The following ZNF783 variants were observed in gnomAD, a reference collection of about 807,000 sequenced individuals.
ZNF783 encodes the protein zinc finger protein 783.
In ZNF783, 25 loss-of-function variants were observed where a neutral mutation model predicts 31.3. The ratio of observed to expected loss-of-function variants is 0.80; its 90% CI spans 0.58 to 1.11. The LOEUF is 1.11. ZNF783 is among the 50% of genes most tolerant of loss of function. The pLI is 0.00. For synonymous variants in ZNF783, 369 were observed against 319.1 expected (o/e 1.16, Z -1.66); for missense variants, 797 against 760.0 (o/e 1.05, Z -0.57).
rs1354086667 is a variant in ZNF783, at chr7:149,280,217, G to A, written c.803-1288G>A. On this transcript the variant is annotated intron_variant, in intron 5 of 5. Coordinates refer to ENST00000434415, the MANE Select transcript of ZNF783 (RefSeq NM_001195220.2). ...AGGAGCTCCTCACTTCCCAGTAGGG[G>A]TGGCCGGGCAGAGGCGCCCCTCACC... 2.0e-5 allele frequency among the ~76,000 whole-genome samples: 3 copies of A among 152,216 alleles called. No homozygotes were observed. In the East Asian group the frequency reaches 5.8e-4, roughly 30 times the overall value.
chr7:149,281,583 G>C lies in ZNF783; in HGVS notation c.881G>C (p.Arg294Pro), dbSNP rs752803376. The C allele has an allele frequency of 1.3e-6, 2 of 1,528,840 alleles. No individual in the cohort carries two copies. The highest frequency in any genetic ancestry group is 4.2e-5 in the Admixed American group (2 of 47,558). The allele number at this position is 1,528,840 out of a possible 1,614,324, so 94.7% of individuals were successfully genotyped here. A position where few individuals can be genotyped will look rare whatever the true frequency, so the allele number is the denominator to read the frequency against. The change falls in exon 6 of 6, where the codon CGA becomes CCA. Residue 294 changes from arginine (R) to proline (P), a missense_variant. By Grantham distance (103) the Arg-to-Pro change is moderately radical (BLOSUM62 -2). Transcript: ENST00000434415. The stretch of plus-strand genomic sequence containing the variant: ...GAGCGGCTCTTTCTGGGGGTGTCCC[G>C]AGGCCAGACCGAGTGTAGAATCCCC... ...TPERLFLGVSRGQTECRIPRG... is the reference protein window; with the variant it reads ...TPERLFLGVSPGQTECRIPRG...
Position 149,281,634 on chromosome 7 carries a change from G to GC in ZNF783, c.936dup (p.Ser313GlnfsTer102). 2 of 1,543,742 alleles carry GC rather than the reference G, an allele frequency of 1.3e-6. No homozygotes were observed. The highest frequency in any genetic ancestry group is 8.6e-7 in the Non-Finnish European group (1 of 1,157,332). ...CGAGGGCCCAGGAACAGGCCTGGGG[G>GC]CCCCAGCCGTCATCAGGCCCAGGGC... On this transcript the variant is annotated frameshift_variant, in exon 6 of 6. Coordinates refer to ENST00000434415, the MANE Select transcript of ZNF783 (RefSeq NM_001195220.2). LOFTEE classifies it low-confidence loss of function (END_TRUNC).
rs1436411747 is a variant in ZNF783, at chr7:149,281,797, G to A, written c.1095G>A (p.Thr365=). ...GQSFRLKINL[T]IHQRTHVEEG... ...GCTTCCGCCTGAAGATCAATCTGAC[G>A]ATTCATCAGCGGACCCATGTGGAGG... is the stretch of plus-strand genomic sequence containing the variant. Residue 365 remains threonine, a synonymous_variant, in exon 6 of 6, where the codon ACG becomes ACA. Coordinates refer to ENST00000434415, the MANE Select transcript of ZNF783 (RefSeq NM_001195220.2). The A allele has an allele frequency of 5.9e-6, 9 of 1,517,286 alleles. No homozygotes were observed. The highest frequency in any genetic ancestry group is 1.3e-5 in the South Asian group (1 of 78,270). 94.0% of individuals were successfully genotyped at this position (1,517,286 alleles called of 1,614,324 possible).
chr7:149,276,747 C>A, intron 4 of ZNF783: 2 of 463,748 alleles, frequency 4.3e-6, no homozygotes, highest in Non-Finnish European at 5.7e-6. Flanking sequence ...TCATGGCTCA[C>A]TGCAGCCTCA....
Position 149,282,609 on chromosome 7 carries a change from C to T in ZNF783, c.*266C>T, listed in dbSNP as rs1270034592. The T allele has an allele frequency of 2.3e-6, 1 of 425,906 alleles. No individual in the cohort carries two copies. The highest frequency in any genetic ancestry group is 3.9e-5 in the East Asian group (1 of 25,698). The allele number at this position is 425,906 out of a possible 1,614,324, so 26.4% of individuals were successfully genotyped here. A position where few individuals can be genotyped will look rare whatever the true frequency, so the allele number is the denominator to read the frequency against. ...TTTTGATAAGGCCTCTGGTAGGTAC[C>T]ACAGCCAAGAGGACCAGAGATCATG... On this transcript the variant is annotated 3_prime_UTR_variant, in exon 6 of 6. Coordinates refer to ENST00000434415, the MANE Select transcript of ZNF783 (RefSeq NM_001195220.2).
intron 1 of ZNF783, 150 bp from the exon 2 acceptor site, chr7:149,266,185 G>A: frequency 1.1e-6 from 1 of 890,530 alleles, no homozygotes; most frequent in Non-Finnish European, 1.6e-6. Flanking sequence ...TGATACCCTA[G>A]CCTCTCCCTC....
intron 4 of ZNF783, chr7:149,276,789 A>G (rs1320124515): frequency 9.6e-6 from 2 of 207,482 alleles, no homozygotes; most frequent in African/African-American, 2.4e-5. Flanking sequence ...CTCCTGCCTC[A>G]GCCTCCCAAC....
intron 4 of ZNF783, chr7:149,276,655 T>C: frequency 1.4e-6 from 1 of 731,398 alleles, no homozygotes; most frequent in Non-Finnish European, 1.7e-6. Flanking sequence ...GGGTTACTTT[T>C]TATTTATTTA....
chr7:149,274,107 TTGTC>T (rs1217928010), intron 4 of ZNF783, among the ~76,000 whole-genome samples: 2 of 152,178 alleles, frequency 1.3e-5, no homozygotes, highest in Admixed American at 1.3e-4. Flanking sequence ...TTTGCTTTGG[TTGTC>T]TGTGCTTTAG....
intron 1 of ZNF783, among the ~76,000 whole-genome samples, chr7:149,262,821 G>A (rs545216199): frequency 1.3e-5 from 2 of 152,370 alleles, no homozygotes; most frequent in African/African-American, 4.8e-5. Flanking sequence ...TTTGGAATTA[G>A]ACACTTTAAA....
At chr7:149,266,310 C>CT in intron 1 of ZNF783, 25 bp from the exon 2 acceptor site, 1 of 1,515,722 alleles carries the variant, frequency 6.6e-7, no homozygotes, top group Non-Finnish European at 8.8e-7. Flanking sequence ...CTCATAACAT[C>CT]TCTCTTTTCT....
chr7:149,264,354 G>A (rs1349158832), intron 1 of ZNF783, among the ~76,000 whole-genome samples: 1 of 152,220 alleles, frequency 6.6e-6, no homozygotes, highest in African/African-American at 2.4e-5. Context: ...CAGGCATACA[G>A]AGGATGCATA....
At chr7:149,273,780 G>T (rs1285269483) in intron 4 of ZNF783, among the ~76,000 whole-genome samples, 1 of 152,158 alleles carries the variant, frequency 6.6e-6, no homozygotes, top group Non-Finnish European at 1.5e-5. Flanking sequence ...CTGGACTCGA[G>T]CAATCTTCCT....
In ZNF783 at chr7:149,282,414, C is replaced by A; in HGVS notation, c.*71C>A. 7.8e-7 allele frequency: 1 copy of A among 1,283,958 alleles called. No homozygotes were observed. Among genetic ancestry groups the A allele is most frequent in the South Asian group, 1.6e-5 (1 of 63,832 alleles). 79.5% of individuals were successfully genotyped at this position (1,283,958 alleles called of 1,614,324 possible). A position where few individuals can be genotyped will look rare whatever the true frequency, so the allele number is the denominator to read the frequency against. ...TGCCTGACGCAGGTTCTTCCTTTTC[C>A]TGGGATGGAGAGAGGTTTGTTGTTT... On this transcript the variant is annotated 3_prime_UTR_variant, in exon 6 of 6. Coordinates refer to ENST00000434415, the MANE Select transcript of ZNF783 (RefSeq NM_001195220.2).
intron 5 of ZNF783, among the ~76,000 whole-genome samples, chr7:149,280,074 C>T (rs62494181): frequency 0.021 from 2,017 of 94,232 alleles, 7 homozygotes; most frequent in South Asian, 0.04. Context: ...ACCTCCCGGA[C>T]GGGGCGGCTG....
rs1797081128 is a variant in ZNF783, at chr7:149,266,741, G to A, written c.420+11G>A. The stretch of plus-strand genomic sequence containing the variant: ...GGGGAGGCCCCCAAGGTAGCACCGG[G>A]ACACCCTGGGGTGGGGGAGCTCGAG... On this transcript the variant is annotated intron_variant, in intron 2 of 5. Transcript: ENST00000434415. The A allele has an allele frequency of 6.2e-7, 1 of 1,613,570 alleles. No individual in the cohort carries two copies. The highest frequency in any genetic ancestry group is 8.5e-7 in the Non-Finnish European group (1 of 1,179,730).
chr7:149,273,297 C>A lies in ZNF783; in HGVS notation c.674-5102C>A, dbSNP rs1257643778. On this transcript the variant is annotated intron_variant, in intron 4 of 5. Coordinates refer to ENST00000434415, the MANE Select transcript of ZNF783 (RefSeq NM_001195220.2). The stretch of plus-strand genomic sequence containing the variant: ...GGGGTTTCTGGGTCACGTGGTAGTT[C>A]TGCTTTTAGTTTTTTTGAGGCACCT... 2.6e-5 allele frequency among the ~76,000 whole-genome samples: 4 copies of A among 152,052 alleles called. No homozygotes were observed. In the East Asian group the frequency reaches 7.7e-4, roughly 29 times the overall value.
chr7:149,278,266 C>T (rs1797379149), intron 4 of ZNF783, 133 bp from the exon 5 acceptor site: 1 of 1,468,588 alleles, frequency 6.8e-7, no homozygotes. Context: ...GTGGGGTCCA[C>T]CTCACTATCA....
intron 4 of ZNF783, among the ~76,000 whole-genome samples, chr7:149,273,814 G>A (rs60731824): frequency 6.6e-6 from 1 of 152,220 alleles, no homozygotes; most frequent in African/African-American, 2.4e-5. Flanking sequence ...AAAGCACTGA[G>A]ATTAGAGGCA....
Sources: gnomAD v4.1 joint callset for allele counts (sites outside exome capture counted in the v4.1 genomes callset) on GRCh38, gnomAD v4.1.1 for gene constraint, MANE v1.5 for transcripts, NCBI Gene and HGNC (gene_info 2026-07-23, HGNC 2026-07-21) for gene names.